RIT2: variants seen among roughly 807,000 people sequenced by gnomAD.
RIT2 encodes Ras like without CAAX 2, also known as GTP-binding protein Rit2.
Under a neutral mutation model 23.7 loss-of-function variants are expected in RIT2, and 24 were observed. The ratio of observed to expected loss-of-function variants is 1.01; its 90% confidence interval spans 0.73 to 1.43. RIT2 has a LOEUF of 1.43. Among genes scored for constraint, RIT2 ranks in the 40% most tolerant of loss-of-function variants. The pLI is 0.00. For synonymous variants in RIT2, 107 were observed against 91.1 expected (o/e 1.17, Z -0.99); for missense variants, 236 against 266.9 (o/e 0.88, Z 0.81).
intron 1 of RIT2, among the ~76,000 whole-genome samples, chr18:43,079,756 A>T (rs1455668960): frequency 6.6e-6 from 1 of 152,228 alleles, no homozygotes; most frequent in African/African-American, 2.4e-5. Context: ...TTTAGAGGCT[A>T]TAATCCTGGT....
Position 42,743,452 on chromosome 18 carries a change from AAT to A in RIT2, c.*39_*40del, listed in dbSNP as rs1346291183. ...ATGCTACATATGGAATTGTCCAACT[AAT>A]AAAATTCAGAGAGCGTGAGGAACTC... On this transcript the variant is annotated 3_prime_UTR_variant, in exon 5 of 5. Transcript: ENST00000326695. 3 of 1,379,578 alleles carry A rather than the reference AAT, an allele frequency of 2.2e-6. No individual in the cohort carries two copies. Among genetic ancestry groups the A allele is most frequent in the Non-Finnish European group, 3.1e-6 (3 of 970,998 alleles). The allele number at this position is 1,379,578 out of a possible 1,614,324, so 85.5% of individuals were successfully genotyped here.
At chr18:42,915,851 GTA>G (rs138076243) in intron 4 of RIT2, among the ~76,000 whole-genome samples, 8 of 150,892 alleles carry the variant, frequency 5.3e-5, no homozygotes, top group Admixed American at 2.0e-4. Context: ...ACATATGCGT[GTA>G]TATATATATA....
At chr18:42,920,560 A>G in intron 4 of RIT2, 1 of 605,610 alleles carries the variant, frequency 1.7e-6, no homozygotes, top group South Asian at 2.1e-5. Context: ...TCCACATTAA[A>G]GCTCAAGGAG....
intron 1 of RIT2, among the ~76,000 whole-genome samples, chr18:43,099,544 G>A (rs950858073): frequency 1.3e-5 from 2 of 151,970 alleles, no homozygotes; most frequent in Non-Finnish European, 2.9e-5. Context: ...GATGACACTT[G>A]TTTATTTGGA....
intron 4 of RIT2, among the ~76,000 whole-genome samples, chr18:42,818,550 AC>A (rs1906060224): frequency 6.6e-6 from 1 of 152,074 alleles, no homozygotes; most frequent in African/African-American, 2.4e-5. Flanking sequence ...CTAATTTTTG[AC>A]CTTGAATGTT....
chr18:43,080,632 C>A (rs1015005706), intron 1 of RIT2, among the ~76,000 whole-genome samples: 2 of 151,998 alleles, frequency 1.3e-5, no homozygotes, highest in African/African-American at 4.8e-5. Context: ...TGGCATTGAC[C>A]TTAAATAATT....
intron 3 of RIT2, among the ~76,000 whole-genome samples, chr18:42,947,522 A>T (rs1909755567): frequency 6.6e-6 from 1 of 152,010 alleles, no homozygotes; most frequent in Non-Finnish European, 1.5e-5. Flanking sequence ...CATGTCTCTG[A>T]TTTTGCAGGG....
chr18:42,998,109 T>C (rs572342227), intron 2 of RIT2, among the ~76,000 whole-genome samples: 1 of 152,248 alleles, frequency 6.6e-6, no homozygotes, highest in African/African-American at 2.4e-5. Flanking sequence ...CACACAGGAC[T>C]TTTTTGTGTT....
intron 2 of RIT2, among the ~76,000 whole-genome samples, chr18:43,024,438 A>T (rs1157431220): frequency 6.6e-6 from 1 of 152,096 alleles, no homozygotes; most frequent in African/African-American, 2.4e-5. Flanking sequence ...TGTAAGACCT[A>T]AAAATATATT....
At chr18:42,924,439 A>G (rs956330677) in intron 3 of RIT2, among the ~76,000 whole-genome samples, 1 of 151,496 alleles carries the variant, frequency 6.6e-6, no homozygotes, top group Non-Finnish European at 1.5e-5. Context: ...TGACTCTTTC[A>G]TCTTCTTTCA....
rs899897105 is a variant in RIT2, at chr18:43,058,495, T to C, written c.104-24628A>G. ...CACTTCTGTACTACACTCAGAAGAT[T>C]TGATACGTCCTTGTGTGTGTATGTG... On this transcript the variant is annotated intron_variant, in intron 1 of 4. Coordinates refer to ENST00000326695, the MANE Select transcript of RIT2 (RefSeq NM_002930.4). Among the ~76,000 whole-genome samples, 3 of 152,136 alleles carry C rather than the reference T, an allele frequency of 2.0e-5. No individual in the cohort carries two copies. The East Asian group carries it at 5.8e-4, about 29-fold the overall frequency.
intron 4 of RIT2, among the ~76,000 whole-genome samples, chr18:42,842,993 A>G (rs922722105): frequency 1.3e-5 from 2 of 152,162 alleles, no homozygotes; most frequent in African/African-American, 4.8e-5. Context: ...TAATATTTCT[A>G]TTATTATGTT....
intron 1 of RIT2, among the ~76,000 whole-genome samples, chr18:43,055,285 C>T (rs930326749): frequency 3.9e-5 from 6 of 152,032 alleles, no homozygotes; most frequent in African/African-American, 1.4e-4. Flanking sequence ...TCAGCGCTCC[C>T]CATGGGGTCT....
chr18:43,069,665 C>A (rs946961148), intron 1 of RIT2, among the ~76,000 whole-genome samples: 1 of 152,222 alleles, frequency 6.6e-6, no homozygotes, highest in South Asian at 2.1e-4. Context: ...TTTCTGATGG[C>A]TTCTTATGAC....
At chr18:42,891,987 G>C (rs1300496734) in intron 4 of RIT2, among the ~76,000 whole-genome samples, 1 of 152,034 alleles carries the variant, frequency 6.6e-6, no homozygotes, top group Non-Finnish European at 1.5e-5. Context: ...TTGTATGTGT[G>C]AGGGCAGGGG....
intron 1 of RIT2, among the ~76,000 whole-genome samples, chr18:43,101,928 G>A (rs1012695365): frequency 6.6e-6 from 1 of 152,094 alleles, no homozygotes; most frequent in African/African-American, 2.4e-5. Flanking sequence ...ACAAAAAATA[G>A]ACAAAATAGG....
intron 2 of RIT2, among the ~76,000 whole-genome samples, chr18:42,996,094 G>A (rs957854325): frequency 1.3e-5 from 2 of 152,110 alleles, no homozygotes; most frequent in Non-Finnish European, 1.5e-5. Flanking sequence ...TTTAATACCT[G>A]TTTTTCTCCT....
intron 4 of RIT2, among the ~76,000 whole-genome samples, chr18:42,847,038 C>G (rs1216304687): frequency 1.3e-5 from 2 of 152,086 alleles, no homozygotes; most frequent in African/African-American, 2.4e-5. Flanking sequence ...CCTCTTTCTC[C>G]TCCAAATTCG....
rs566932009 is a variant in RIT2, at chr18:42,755,732, C to G, written c.427-12012G>C. 1.1e-4 allele frequency among the ~76,000 whole-genome samples: 16 copies of G among 152,244 alleles called. No homozygotes were observed. The East Asian group carries it at 3.1e-3, about 29-fold the overall frequency. On this transcript the variant is annotated intron_variant, in intron 4 of 4. Transcript: ENST00000326695. The stretch of plus-strand genomic sequence containing the variant: ...TTATTTGTGGATGACATCACTGGAA[C>G]CCAGGCCATGAGAATACAGCTGAGG...
Sources: allele counts gnomAD v4.1 joint callset (sites outside exome capture counted in the v4.1 genomes callset), GRCh38; gene constraint gnomAD v4.1.1; transcripts MANE v1.5; gene names NCBI Gene and HGNC (gene_info 2026-07-23, HGNC 2026-07-21).